STXBP5L: variants seen among roughly 807,000 people sequenced by gnomAD.
STXBP5L encodes syntaxin binding protein 5L, also known as syntaxin-binding protein 5-like.
A neutral mutation model predicts 144.5 loss-of-function variants in STXBP5L; 65 were observed. The ratio of observed to expected loss-of-function variants is 0.45; its 90% CI spans 0.37 to 0.55. STXBP5L has a LOEUF of 0.55. Ranked by LOEUF, STXBP5L falls within the 20% of genes least tolerant of loss-of-function variation. STXBP5L has a pLI of 0.00. For missense variants in STXBP5L, 1,298 were observed against 1,405.5 expected, an observed-to-expected ratio of 0.92 and a Z score of 1.22; for synonymous variants, 505 against 469.6, an observed-to-expected ratio of 1.08 and a Z score of -0.97.
intron 7 of STXBP5L, among the ~76,000 whole-genome samples, chr3:121,122,364 T>C (rs1047228962): frequency 6.6e-6 from 1 of 151,226 alleles, no homozygotes; most frequent in Non-Finnish European, 1.5e-5. Context: ...TCCCTTCAAA[T>C]TGATCCACAA....
intron 3 of STXBP5L, among the ~76,000 whole-genome samples, chr3:121,021,360 A>C (rs944149871): frequency 1.7e-4 from 26 of 152,160 alleles, no homozygotes; most frequent in Non-Finnish European, 1.9e-4. Context: ...ACAGGTCATC[A>C]AGTCGGAAAG....
intron 5 of STXBP5L, among the ~76,000 whole-genome samples, chr3:121,079,631 G>A (rs1354941214): frequency 1.2e-4 from 18 of 152,168 alleles, no homozygotes; most frequent in Non-Finnish European, 2.5e-4. Context: ...GATTTGTATA[G>A]TTTTGAAGGT....
chr3:121,244,010 A>T (rs2049758265), intron 14 of STXBP5L, among the ~76,000 whole-genome samples: 3 of 152,134 alleles, frequency 2.0e-5, no homozygotes, highest in Admixed American at 1.3e-4. Context: ...AAGTGTGTTT[A>T]CGTAAAATTA....
chr3:120,971,114 G>T (rs75204714), intron 3 of STXBP5L, among the ~76,000 whole-genome samples: 2 of 152,176 alleles, frequency 1.3e-5, no homozygotes, highest in South Asian at 2.1e-4. Flanking sequence ...TAGGGGGGAG[G>T]TTCCAGATTG....
chr3:120,943,886 G>A (rs73185484), intron 2 of STXBP5L, among the ~76,000 whole-genome samples: 5,980 of 148,396 alleles, frequency 0.04, 166 homozygotes, highest in Middle Eastern at 0.082. Context: ...TCTCTGTCTC[G>A]CTTTCTCTCT....
chr3:121,320,866 A>G (rs1028700567), intron 20 of STXBP5L, among the ~76,000 whole-genome samples: 5 of 151,798 alleles, frequency 3.3e-5, no homozygotes, highest in Non-Finnish European at 7.4e-5. Flanking sequence ...CACCCAGCTG[A>G]TTTTTTGTAT....
intron 19 of STXBP5L, among the ~76,000 whole-genome samples, chr3:121,295,540 C>G (rs1271895512): frequency 2.0e-5 from 3 of 151,926 alleles, no homozygotes; most frequent in Admixed American, 1.3e-4. Context: ...TTTGAATTTA[C>G]AAAAATCAAC....
At chr3:121,264,657 C>T (rs2050496069) in intron 18 of STXBP5L, among the ~76,000 whole-genome samples, 1 of 151,986 alleles carries the variant, frequency 6.6e-6, no homozygotes, top group South Asian at 2.1e-4. Context: ...GGGCTAAATG[C>T]CCCAATTAAA....
chr3:121,204,517 C>T (rs1301641775), intron 9 of STXBP5L, among the ~76,000 whole-genome samples: 1 of 152,092 alleles, frequency 6.6e-6, no homozygotes, highest in Non-Finnish European at 1.5e-5. Context: ...TTGAATAAAG[C>T]TATCTTGATA....
At chr3:121,223,304 C>G (rs543454557) in intron 11 of STXBP5L, 147 bp downstream of exon 11, 1 of 771,970 alleles carries the variant, frequency 1.3e-6, no homozygotes, top group African/African-American at 1.8e-5. Context: ...GCAACTGTAC[C>G]TACTTGAGAA....
At chr3:120,953,247 A>T (rs549330269) in intron 2 of STXBP5L, among the ~76,000 whole-genome samples, 9 of 152,114 alleles carry the variant, frequency 5.9e-5, no homozygotes, top group African/African-American at 2.2e-4. Flanking sequence ...ACTACTCATT[A>T]TAAATAAGCA....
chr3:121,206,350 A>T (rs1401642877), intron 10 of STXBP5L, among the ~76,000 whole-genome samples: 1 of 152,212 alleles, frequency 6.6e-6, no homozygotes, highest in Non-Finnish European at 1.5e-5. Context: ...ACTTAAATAC[A>T]TAACCAAGTG....
In STXBP5L at chr3:121,407,209, T is replaced by C. The variant is rs118008671; in HGVS notation, c.2588-34T>C. 439 of 1,522,864 alleles carry C rather than the reference T, an allele frequency of 2.9e-4. 6 individuals carry two copies. The East Asian group carries it at 5.0e-3, about 17-fold the overall frequency. 94.3% of individuals were successfully genotyped at this position (1,522,864 alleles called of 1,614,324 possible). The stretch of plus-strand genomic sequence containing the variant: ...TCCCTATAGATGCTTTAGAATGAAT[T>C]TGACATGTCAGTGATGTCCAATTGT... On this transcript the variant is annotated intron_variant, in intron 22 of 26. Coordinates refer to ENST00000471454, the MANE Select transcript of STXBP5L (RefSeq NM_001308330.2).
intron 5 of STXBP5L, among the ~76,000 whole-genome samples, chr3:121,077,050 C>T (rs2042047623): frequency 6.6e-6 from 1 of 152,188 alleles, no homozygotes. Context: ...CTCCCAGCGT[C>T]ACGCTCTATG....
chr3:121,242,731 A>G (rs922354388), intron 14 of STXBP5L, among the ~76,000 whole-genome samples: 2 of 152,168 alleles, frequency 1.3e-5, no homozygotes, highest in African/African-American at 4.8e-5. Context: ...GTTATCTGCA[A>G]TACACTCACT....
intron 20 of STXBP5L, among the ~76,000 whole-genome samples, chr3:121,322,280 A>G (rs931242553): frequency 7.9e-5 from 12 of 152,138 alleles, no homozygotes; most frequent in African/African-American, 2.9e-4. Flanking sequence ...GGGGTTTGAG[A>G]CCAGCCTAAC....
intron 9 of STXBP5L, among the ~76,000 whole-genome samples, chr3:121,201,504 C>CATTAA (rs2048137309): frequency 6.6e-6 from 1 of 152,084 alleles, no homozygotes; most frequent in South Asian, 2.1e-4. Flanking sequence ...GACTTTAGCC[C>CATTAA]ATTTACATTA....
At chr3:120,961,300 G>C (rs748578498) in intron 3 of STXBP5L, among the ~76,000 whole-genome samples, 12 of 145,036 alleles carry the variant, frequency 8.3e-5, no homozygotes, top group Non-Finnish European at 1.5e-4. Context: ...TATACTTTAA[G>C]TTCTAGGGTA....
At chr3:121,029,853 A>G (rs184450188) in intron 3 of STXBP5L, among the ~76,000 whole-genome samples, 3 of 152,210 alleles carry the variant, frequency 2.0e-5, no homozygotes, top group Admixed American at 1.3e-4. Context: ...AAACCCCATG[A>G]AAAAGTGGGC....
Sources: allele counts gnomAD v4.1 joint callset (sites outside exome capture counted in the v4.1 genomes callset), GRCh38; gene constraint gnomAD v4.1.1; transcripts MANE v1.5; gene names NCBI Gene and HGNC (gene_info 2026-07-23, HGNC 2026-07-21).